Variants in SEMA3A observed in about 807,000 individuals in gnomAD.
SEMA3A encodes the protein semaphorin 3A, also known as semaphorin-3A.
Under a neutral mutation model 97.9 loss-of-function variants are expected in SEMA3A, and 29 were observed. The observed-to-expected ratio is 0.30, with a 90% CI of 0.22 to 0.40. The LOEUF (loss-of-function observed/expected upper bound fraction) is 0.40, where lower values mean the gene tolerates loss of function less well. SEMA3A is among the 10% of genes least tolerant of loss of function. The pLI is 1.00. For synonymous variants in SEMA3A, 321 were observed against 323.7 expected (o/e 0.99, Z 0.09); for missense variants, 763 against 951.3 (o/e 0.80, Z 2.60).
chr7:84,249,469 A>C (rs1229847459), intron 3 of SEMA3A, among the ~76,000 whole-genome samples: 3 of 151,904 alleles, frequency 2.0e-5, no homozygotes, highest in Admixed American at 1.3e-4. Context: ...TTGCCAATAC[A>C]TGCAGGTAAA....
intron 12 of SEMA3A, among the ~76,000 whole-genome samples, chr7:83,988,544 C>G (rs1402729275): frequency 6.6e-6 from 1 of 152,034 alleles, no homozygotes; most frequent in Non-Finnish European, 1.5e-5. Context: ...TACTTCAAAC[C>G]CTGATGGCTG....
At chr7:84,285,353 C>A (rs535516731) in intron 3 of SEMA3A, among the ~76,000 whole-genome samples, 27 of 152,028 alleles carry the variant, frequency 1.8e-4, no homozygotes, top group African/African-American at 4.6e-4. Context: ...GCAATACAGG[C>A]ATAACAAAAG....
intron 6 of SEMA3A, 50 bp downstream of exon 6, chr7:84,046,271 ACTT>A: frequency 6.3e-7 from 1 of 1,595,048 alleles, no homozygotes; most frequent in Non-Finnish European, 8.6e-7. Context: ...TTCTCTAGTA[ACTT>A]AATACAGTTA....
intron 1 of SEMA3A, among the ~76,000 whole-genome samples, chr7:84,464,467 C>T (rs780903235): frequency 2.6e-5 from 4 of 152,040 alleles, no homozygotes; most frequent in Non-Finnish European, 5.9e-5. Context: ...ACCAATACAA[C>T]GACCTAAATT....
chr7:84,318,317 GTTTTTTTTTTTT>G (rs71522699), intron 2 of SEMA3A, among the ~76,000 whole-genome samples: 1 of 97,798 alleles, frequency 1.0e-5, no homozygotes, highest in African/African-American at 3.9e-5. Flanking sequence ...TGATTTCTTG[GTTTTTTTTTTTT>G]TTTTTTTTTT....
At chr7:84,195,031 AG>A (rs1334532168), upstream of SEMA3A, 1 of 133,398 alleles carries the variant, frequency 7.5e-6, no homozygotes, top group Non-Finnish European at 1.6e-5. Context: ...AGAAAGAGAG[AG>A]AGAGAGAGAG....
intron 1 of SEMA3A, among the ~76,000 whole-genome samples, chr7:84,148,203 C>A (rs565149393): frequency 2.6e-5 from 4 of 152,194 alleles, no homozygotes; most frequent in African/African-American, 9.6e-5. Flanking sequence ...GCATGAGGCA[C>A]CATGCCCTGG....
intron 2 of SEMA3A, among the ~76,000 whole-genome samples, chr7:84,363,540 A>G (rs540454): frequency 1.3e-5 from 2 of 151,686 alleles, no homozygotes; most frequent in East Asian, 3.9e-4. Flanking sequence ...AATTGACCTA[A>G]GATTTTTAAT....
intron 3 of SEMA3A, among the ~76,000 whole-genome samples, chr7:84,264,839 T>C (rs746430244): frequency 3.3e-5 from 5 of 152,206 alleles, no homozygotes; most frequent in South Asian, 2.1e-4. Context: ...TCCTGGGTCA[T>C]AGCATCTCAA....
chr7:84,259,123 G>T (rs1356559408), intron 3 of SEMA3A, among the ~76,000 whole-genome samples: 1 of 152,040 alleles, frequency 6.6e-6, no homozygotes, highest in South Asian at 2.1e-4. Context: ...GTTTTTCAAA[G>T]AATAAAGCAT....
At chr7:84,344,771 G>A (rs866344878) in intron 2 of SEMA3A, among the ~76,000 whole-genome samples, 6 of 152,056 alleles carry the variant, frequency 3.9e-5, no homozygotes, top group South Asian at 4.2e-4. Flanking sequence ...CAAGGATTAC[G>A]GTTCATGTTT....
chr7:84,203,502 G>GTATATATATATATA (rs1178194583), intron 3 of SEMA3A, among the ~76,000 whole-genome samples: 1 of 56,996 alleles, frequency 1.8e-5, no homozygotes, highest in Non-Finnish European at 3.1e-5. Context: ...TTGTGTGTGT[G>GTATATATATATATA]TATATATATA....
At chr7:84,263,024 A>C (rs1799896971) in intron 3 of SEMA3A, among the ~76,000 whole-genome samples, 1 of 152,218 alleles carries the variant, frequency 6.6e-6, no homozygotes, top group Non-Finnish European at 1.5e-5. Flanking sequence ...ATAACATATA[A>C]ATTTATAAGT....
At position 83,961,684 on chromosome 7, in the gene SEMA3A, A is replaced by G. The variant is rs751942299; in HGVS notation, c.2003T>C (p.Ile668Thr). 1.9e-6 allele frequency: 3 copies of G among 1,613,844 alleles called. No individual in the cohort carries two copies. The South Asian group carries it at 3.3e-5, about 18-fold the overall frequency. The change falls in exon 17 of 17, where the codon ATT becomes ACT. Residue 668 changes from isoleucine to threonine, a missense_variant. Physicochemically the swap from Ile to Thr is moderately conservative, Grantham distance 89 (BLOSUM62 -1). This residue lies in a region of SEMA3A where 678 missense variants were observed against 881.3 expected (regional missense o/e 0.77). Transcript: ENST00000265362. Reference protein sequence around the residue: ...QTLLKVTLEVIDTEHLEELLH... With the variant: ...QTLLKVTLEVTDTEHLEELLH... ...AAGTTCTTCCAAATGCTCTGTGTCA[A>G]TGACTTCCAGGGTTACCTTAAGAAG... is the stretch of plus-strand genomic sequence containing the variant.
intron 1 of SEMA3A, among the ~76,000 whole-genome samples, chr7:84,186,755 T>TTA (rs1797899565): frequency 7.0e-6 from 1 of 143,858 alleles, no homozygotes; most frequent in East Asian, 2.0e-4. Context: ...ACTACATATT[T>TTA]AAAAAAAAAA....
chr7:84,379,735 C>A (rs1440091018), intron 1 of SEMA3A, among the ~76,000 whole-genome samples: 1 of 152,092 alleles, frequency 6.6e-6, no homozygotes, highest in Non-Finnish European at 1.5e-5. Flanking sequence ...GCTCTTTGTT[C>A]ATCGAAATTA....
chr7:84,061,752 A>G (rs1221819893), intron 4 of SEMA3A, among the ~76,000 whole-genome samples: 2 of 152,218 alleles, frequency 1.3e-5, no homozygotes, highest in African/African-American at 4.8e-5. Flanking sequence ...AGTTAAAAAA[A>G]AGGAAGAAAT....
chr7:84,313,694 A>T (rs1801423018), intron 2 of SEMA3A, among the ~76,000 whole-genome samples: 1 of 151,750 alleles, frequency 6.6e-6, no homozygotes, highest in Admixed American at 6.6e-5. Flanking sequence ...TTCTGTTGTC[A>T]TCCTAAGCGA....
chr7:84,141,144 C>A (rs904631303), intron 1 of SEMA3A, among the ~76,000 whole-genome samples: 2 of 152,078 alleles, frequency 1.3e-5, no homozygotes, highest in Admixed American at 1.3e-4. Flanking sequence ...CTTGTCATTG[C>A]GTAGATGGGG....
Sources: allele counts gnomAD v4.1 joint callset (sites outside exome capture counted in the v4.1 genomes callset), GRCh38; gene constraint gnomAD v4.1.1; regional missense constraint gnomAD v4.1.1; transcripts MANE v1.5; gene names NCBI Gene and HGNC (gene_info 2026-07-23, HGNC 2026-07-21).